The following SIRT2 variants were observed in gnomAD, a reference collection of about 807,000 sequenced individuals.
SIRT2 encodes sirtuin 2.
A neutral mutation model predicts 57.4 loss-of-function variants in SIRT2; 40 were observed. The ratio of observed to expected loss-of-function variants is 0.70; its 90% CI spans 0.54 to 0.91. SIRT2 has a LOEUF of 0.91. Ranked by LOEUF, SIRT2 falls within the 40% of genes least tolerant of loss-of-function variation. The pLI is 0.00. For synonymous variants in SIRT2, 161 were observed against 195.7 expected, an observed-to-expected ratio of 0.82 and a Z score of 1.48; for missense variants, 439 against 510.4, an observed-to-expected ratio of 0.86 and a Z score of 1.35.
At chr19:38,887,000 C>T (rs1437502013) in intron 8 of SIRT2, among the ~76,000 whole-genome samples, 1 of 151,552 alleles carries the variant, frequency 6.6e-6, no homozygotes, top group Non-Finnish European at 1.5e-5. Context: ...TGCAGTGGGG[C>T]AATCTCAGCT....
chr19:38,888,049 C>T (rs1056043875), intron 8 of SIRT2, among the ~76,000 whole-genome samples: 4 of 152,146 alleles, frequency 2.6e-5, no homozygotes, highest in South Asian at 2.1e-4. Context: ...CCACCGCGCC[C>T]GGCCACCTGT....
chr19:38,898,300 C>T, intron 2 of SIRT2, 79 bp downstream of exon 2: 1 of 1,134,404 alleles, frequency 8.8e-7, no homozygotes, highest in Non-Finnish European at 1.2e-6. Context: ...TGACTGTTTC[C>T]CCTTTGCCAC....
chr19:38,890,051 G>A, intron 5 of SIRT2, 52 bp downstream of exon 5: 2 of 1,613,126 alleles, frequency 1.2e-6, no homozygotes, highest in Non-Finnish European at 1.7e-6. Flanking sequence ...CAGCCCTTGG[G>A]AGGGACTCCC....
Position 38,883,744 on chromosome 19 carries a change from G to A in SIRT2, c.514C>T (p.Leu172=), listed in dbSNP as rs753802791. ...TGTTCCAGCCCGGCTATTCGCTCCAGGGTATCTATGTTCTAGAGGGAGAGA... is the reference window on the plus strand; with the variant it reads ...TGTTCCAGCCCGGCTATTCGCTCCAAGGTATCTATGTTCTAGAGGGAGAGA... ...LRCYTQNIDT[L]ERIAGLEQED... Residue 172 remains leucine (L), a synonymous_variant, in exon 9 of 16, where the codon CTG becomes TTG. Coordinates refer to ENST00000249396, the MANE Select transcript of SIRT2 (RefSeq NM_012237.4). The A allele has an allele frequency of 6.2e-7, 1 of 1,613,900 alleles. No individual in the cohort carries two copies. The highest frequency in any genetic ancestry group is 8.5e-7 in the Non-Finnish European group (1 of 1,179,928).
In SIRT2 at chr19:38,899,338, A is replaced by C. The variant is rs113548864; in HGVS notation, c.16+168T>G. On this transcript the variant is annotated intron_variant, in intron 1 of 15. Coordinates refer to ENST00000249396, the MANE Select transcript of SIRT2 (RefSeq NM_012237.4). ...ACCCTGAACACACTGCGACCCAGAAACCCACCAGCCTAGCGATACAGATCG... is the reference window on the plus strand; with the variant it reads ...ACCCTGAACACACTGCGACCCAGAACCCCACCAGCCTAGCGATACAGATCG... Among the ~76,000 whole-genome samples the C allele has an allele frequency of 4.6e-5, 7 of 152,152 alleles. 1 individual carries two copies. The highest frequency in any genetic ancestry group is 1.7e-4 in the African/African-American group (7 of 41,508).
At chr19:38,892,098 A>G (rs1973557653) in intron 4 of SIRT2, 1 of 356,702 alleles carries the variant, frequency 2.8e-6, no homozygotes, top group Non-Finnish European at 5.8e-6. Context: ...ACTTGTGGCA[A>G]GAAATATAAA....
intron 2 of SIRT2, among the ~76,000 whole-genome samples, chr19:38,896,675 TC>T (rs1973727398): frequency 6.6e-6 from 1 of 152,226 alleles, no homozygotes; most frequent in Non-Finnish European, 1.5e-5. Context: ...GGACTGAGGA[TC>T]CTTTTTAACA....
intron 2 of SIRT2, chr19:38,894,725 C>T (rs532981970): frequency 8.9e-6 from 4 of 450,004 alleles, no homozygotes; most frequent in South Asian, 6.2e-5. Flanking sequence ...TCTCCAGCAA[C>T]CTCTGTCTCC....
rs767843466 is a variant in SIRT2 at position 38,883,726 on chromosome 19, G to A, written c.532C>T (p.Leu178=). The change falls in exon 9 of 16, where the codon CTG becomes TTG. Residue 178 remains leucine (L), a synonymous_variant. Coordinates refer to ENST00000249396, the MANE Select transcript of SIRT2 (RefSeq NM_012237.4). ...GCCTCCACCAAGTCCTCCTGTTCCA[G>A]CCCGGCTATTCGCTCCAGGGTATCT... is the stretch of plus-strand genomic sequence containing the variant. ...NIDTLERIAG[L]EQEDLVEAHG... 6.2e-7 allele frequency: 1 copy of A among 1,614,124 alleles called. No homozygotes were observed. Among genetic ancestry groups the A allele is most frequent in the South Asian group, 1.1e-5 (1 of 91,090 alleles).
chr19:38,883,777 A>G (rs201473051), intron 8 of SIRT2, 21 bp from the exon 9 acceptor site: 13 of 1,613,312 alleles, frequency 8.1e-6, no homozygotes, highest in Non-Finnish European at 1.1e-5. Context: ...AGATGGAGGG[A>G]AGAGGGGTGA....
At chr19:38,898,271 T>G in intron 2 of SIRT2, 108 bp downstream of exon 2, 19 of 716,592 alleles carry the variant, frequency 2.7e-5, no homozygotes, top group South Asian at 4.5e-5. Flanking sequence ...ATTGGGGCAA[T>G]GAGCCGAGGG....
intron 1 of SIRT2, 83 bp from the exon 2 acceptor site, chr19:38,898,508 C>T: frequency 1.6e-6 from 1 of 614,774 alleles, no homozygotes; most frequent in Non-Finnish European, 2.7e-6. Flanking sequence ...AGTGAGGGGG[C>T]AAGAACACCC....
rs56191773 is a variant in SIRT2, at chr19:38,880,817, C to T, written c.824+4G>A. 6.2e-7 allele frequency: 1 copy of T among 1,613,890 alleles called. No individual in the cohort carries two copies. The highest frequency in any genetic ancestry group is 8.5e-7 in the Non-Finnish European group (1 of 1,179,914). On this transcript the variant is annotated splice_donor_region_variant and intron_variant, in intron 12 of 15. Transcript: ENST00000249396. This position sits in a 1 kb window ranked among gnomAD's most constrained non-coding sequence, Gnocchi z 4.1. ...CGTCCTCCCAGCCACAGCCCCCAAC[C>T]TACTTGCTGATGAGGGAGGCAAAGG... is the stretch of plus-strand genomic sequence containing the variant.
At position 38,881,426 on chromosome 19, in the gene SIRT2, G is replaced by A; in HGVS notation, c.691+6C>T. On this transcript the variant is annotated splice_donor_region_variant and intron_variant, in intron 10 of 15. Transcript: ENST00000249396. ...CACCTGGGCAGGTCCCTGGCCAGAG[G>A]CTCACCAGGCTTCACCAGGCTCTGA... 6.2e-7 allele frequency: 1 copy of A among 1,613,904 alleles called. No individual in the cohort carries two copies. The highest frequency in any genetic ancestry group is 8.5e-7 in the Non-Finnish European group (1 of 1,179,824).
In SIRT2 at chr19:38,889,908, C is replaced by T. The variant is rs551071804; in HGVS notation, c.322G>A (p.Glu108Lys). 1.2e-6 allele frequency: 2 copies of T among 1,614,092 alleles called. No homozygotes were observed. The highest frequency in any genetic ancestry group is 1.1e-5 in the South Asian group (1 of 91,070). The change falls in exon 6 of 16, where the codon GAG becomes AAG. Residue 108 changes from glutamate (E) to lysine (K), a missense_variant. By Grantham distance (56) the Glu-to-Lys change is moderately conservative. Coordinates refer to ENST00000249396, the MANE Select transcript of SIRT2 (RefSeq NM_012237.4). ...SPSTGLYDNL[E>K]KYHLPYPEAI... ...TCTGGGTAGGGAAGATGGTACTTCT[C>T]TAGGTTGTCATAGAGGCCGGTGGAT...
chr19:38,888,576 C>G (rs1973415853), intron 8 of SIRT2, among the ~76,000 whole-genome samples: 1 of 152,190 alleles, frequency 6.6e-6, no homozygotes, highest in Admixed American at 6.5e-5. Flanking sequence ...CTTGGCTAAG[C>G]ACCTGACGTG....
chr19:38,886,801 T>C (rs1973356131), intron 8 of SIRT2, among the ~76,000 whole-genome samples: 1 of 151,956 alleles, frequency 6.6e-6, no homozygotes, highest in Admixed American at 6.6e-5. Flanking sequence ...TTTGTATTTT[T>C]AGTAGAGACA....
rs924702843 is a variant in SIRT2, at chr19:38,879,024, G to A, written c.*131C>T. The A allele has an allele frequency of 2.0e-6, 2 of 990,172 alleles. No homozygotes were observed. Among genetic ancestry groups the A allele is most frequent in the Middle Eastern group, 3.4e-4 (1 of 2,974 alleles). The allele number at this position is 990,172 out of a possible 1,614,324, so 61.3% of individuals were successfully genotyped here. A position where few individuals can be genotyped will look rare whatever the true frequency, so the allele number is the denominator to read the frequency against. On this transcript the variant is annotated 3_prime_UTR_variant, in exon 16 of 16. Transcript: ENST00000249396. The stretch of plus-strand genomic sequence containing the variant: ...GGGTTGCTGGGACCCCAGTTTTGGG[G>A]AGGGAGCTGTAAGAGATTGGGGGAT...
At chr19:38,897,726 A>G (rs574198907) in intron 2 of SIRT2, among the ~76,000 whole-genome samples, 4 of 152,024 alleles carry the variant, frequency 2.6e-5, no homozygotes, top group African/African-American at 9.6e-5. Flanking sequence ...GGGCCTCCCT[A>G]TGTTGCCAAG....
Sources: gnomAD v4.1 joint callset for allele counts (sites outside exome capture counted in the v4.1 genomes callset) on GRCh38, gnomAD v4.1.1 for gene constraint, Gnocchi (gnomAD v3.1) non-coding constraint, MANE v1.5 for transcripts, NCBI Gene and HGNC (gene_info 2026-07-23, HGNC 2026-07-21) for gene names.